Variants in TATDN1 observed in about 807,000 individuals in gnomAD.
The protein encoded by TATDN1 is TatD DNase domain containing 1, also known as deoxyribonuclease TATDN1.
TATDN1 carries 40 observed loss-of-function variants against 46.4 expected under a neutral mutation model. That is an observed-to-expected ratio of 0.86 (90% confidence interval 0.67 to 1.12). TATDN1 has a LOEUF of 1.12. Among genes scored for constraint, TATDN1 ranks in the 50% most tolerant of loss-of-function variants. TATDN1 has a pLI of 0.00. For synonymous variants in TATDN1, 95 were observed against 105.6 expected (o/e 0.90, Z 0.62); for missense variants, 326 against 348.4 (o/e 0.94, Z 0.51).
In TATDN1 at chr8:124,522,167, T is replaced by A. The variant is rs1405538868; in HGVS notation, c.122A>T (p.Glu41Val). 7 of 1,597,028 alleles carry A rather than the reference T, an allele frequency of 4.4e-6. No individual in the cohort carries two copies. The highest frequency in any genetic ancestry group is 1.7e-5 in the Admixed American group (1 of 57,722). The change falls in exon 3 of 12, where the codon GAG (glutamate) becomes GTG (valine). Residue 41 changes from glutamate (E) to valine (V), a missense_variant. Transcript: ENST00000276692. ...DLQDVIGRAV[E>V]IGVKKFMITG... ...GGATGTTACCTTTTTAACACCAATC[T>A]CGACAGCTCTCCCTATTACATCCTG...
chr8:124,529,420 G>A (rs1820770429), intron 1 of TATDN1, among the ~76,000 whole-genome samples: 1 of 152,102 alleles, frequency 6.6e-6, no homozygotes, highest in African/African-American at 2.4e-5. Flanking sequence ...GGAGAGAAAG[G>A]GGGTCCTTCT....
intron 1 of TATDN1, among the ~76,000 whole-genome samples, chr8:124,532,080 AG>A (rs1243645718): frequency 6.7e-6 from 1 of 149,874 alleles, no homozygotes; most frequent in East Asian, 2.1e-4. Flanking sequence ...AGGAAGAGCA[AG>A]GGGGGGAGGA....
chr8:124,529,969 G>A (rs944995267), intron 1 of TATDN1, among the ~76,000 whole-genome samples: 1 of 152,148 alleles, frequency 6.6e-6, no homozygotes, highest in Non-Finnish European at 1.5e-5. Flanking sequence ...GCAGGTGCCT[G>A]TAATCCCAGC....
At chr8:124,519,003 C>A in intron 3 of TATDN1, 122 bp from the exon 4 acceptor site, 1 of 662,324 alleles carries the variant, frequency 1.5e-6, no homozygotes, top group South Asian at 1.8e-5. Context: ...TGCCACACAC[C>A]TACCCTTTAA....
At chr8:124,506,334 C>CAAAAAAAAAAAAAAAAAAAA (rs56023168) in intron 8 of TATDN1, among the ~76,000 whole-genome samples, 15 of 52,466 alleles carry the variant, frequency 2.9e-4, no homozygotes, top group East Asian at 5.8e-4. Flanking sequence ...GGCTCTGTCT[C>CAAAAAAAAAAAAAAAAAAAA]AAAAAAAAAA....
In TATDN1 at chr8:124,494,051, C is replaced by A. The variant is rs944351206; in HGVS notation, c.665-92G>T. On this transcript the variant is annotated intron_variant, in intron 10 of 11. Coordinates refer to ENST00000276692, the MANE Select transcript of TATDN1 (RefSeq NM_032026.4). ...TAATATATAACCTCTAAATGATAAA[C>A]CGTGATTCAGCTTCCAAAATGGCAC... The A allele has an allele frequency of 1.0e-5, 13 of 1,253,428 alleles. No individual in the cohort carries two copies. In the African/African-American group the frequency reaches 1.7e-4, roughly 16 times the overall value. 77.6% of individuals were successfully genotyped at this position (1,253,428 alleles called of 1,614,324 possible).
chr8:124,521,493 AAT>A (rs1820041835), intron 3 of TATDN1: 1 of 152,180 alleles, frequency 6.6e-6, no homozygotes, highest in Non-Finnish European at 1.5e-5. Context: ...AATAATAACA[AAT>A]AAAAGTTTAG....
Position 124,494,085 on chromosome 8 carries a change from C to A in TATDN1, c.665-126G>T, listed in dbSNP as rs113781044. On this transcript the variant is annotated intron_variant, in intron 10 of 11. Transcript: ENST00000276692. ...AGCTTCCAAAATGGCACAGTTATTT[C>A]AACAGAAAACAGTTCTAAGAAAAGC... The A allele has an allele frequency of 1.9e-3, 1,634 of 865,154 alleles. 16 individuals carry two copies. The African/African-American group carries it at 0.023, about 12-fold the overall frequency. The allele number at this position is 865,154 out of a possible 1,614,324, so 53.6% of individuals were successfully genotyped here.
intron 1 of TATDN1, among the ~76,000 whole-genome samples, chr8:124,528,368 T>C (rs1193604398): frequency 6.6e-6 from 1 of 152,064 alleles, no homozygotes; most frequent in Non-Finnish European, 1.5e-5. Context: ...AGAGACGGGG[T>C]TTCACCATGT....
At chr8:124,531,874 T>C (rs1447576828) in intron 1 of TATDN1, among the ~76,000 whole-genome samples, 1 of 152,188 alleles carries the variant, frequency 6.6e-6, no homozygotes, top group East Asian at 1.9e-4. Context: ...TCTAATGGGT[T>C]AGATTATGTA....
At chr8:124,534,104 C>A (rs1311585927) in intron 1 of TATDN1, among the ~76,000 whole-genome samples, 2 of 128,876 alleles carry the variant, frequency 1.6e-5, no homozygotes, top group East Asian at 4.9e-4. Context: ...CCAGACTGCA[C>A]CACTACACTC....
intron 1 of TATDN1, among the ~76,000 whole-genome samples, chr8:124,533,612 G>A (rs1321942201): frequency 6.6e-6 from 1 of 152,082 alleles, no homozygotes; most frequent in African/African-American, 2.4e-5. Context: ...TCCAATCTTT[G>A]TTTTTCCAGG....
intron 1 of TATDN1, among the ~76,000 whole-genome samples, chr8:124,529,500 G>A (rs1820777538): frequency 6.6e-6 from 1 of 152,178 alleles, no homozygotes; most frequent in South Asian, 2.1e-4. Context: ...ACTGTAGGCT[G>A]CCGAGGCAAC....
chr8:124,502,771 A>G (rs1412012441), intron 9 of TATDN1, among the ~76,000 whole-genome samples: 7 of 152,140 alleles, frequency 4.6e-5, no homozygotes, highest in Non-Finnish European at 8.8e-5. Context: ...AACCTCCCTC[A>G]TATTTTTATT....
At chr8:124,517,425 CAAA>C (rs540696612) in intron 4 of TATDN1, among the ~76,000 whole-genome samples, 4 of 67,174 alleles carry the variant, frequency 6.0e-5, no homozygotes, top group East Asian at 5.6e-4. Context: ...AAGACTGTCT[CAAA>C]AAAAAAAAAA....
At chr8:124,504,618 T>C in intron 8 of TATDN1, 1 of 269,574 alleles carries the variant, frequency 3.7e-6, no homozygotes, top group Non-Finnish European at 6.8e-6. Context: ...CTAGCATTAG[T>C]GCAGAAGCTC....
At chr8:124,507,785 A>G (rs557134525) in intron 8 of TATDN1, among the ~76,000 whole-genome samples, 2 of 117,652 alleles carry the variant, frequency 1.7e-5, no homozygotes, top group Admixed American at 1.6e-4. Flanking sequence ...CTTAATAACC[A>G]AAAAAAAAAA....
chr8:124,525,511 A>G (rs1412545818), intron 1 of TATDN1, among the ~76,000 whole-genome samples: 2 of 152,196 alleles, frequency 1.3e-5, no homozygotes, highest in Admixed American at 6.5e-5. Context: ...CCCGCAACAA[A>G]TAAGTGAGTC....
At chr8:124,499,337 A>C (rs1306482972) in intron 9 of TATDN1, among the ~76,000 whole-genome samples, 1 of 152,050 alleles carries the variant, frequency 6.6e-6, no homozygotes, top group African/African-American at 2.4e-5. Context: ...CTTTTCACTA[A>C]ATTTTCAGAT....
Sources: gnomAD v4.1 joint callset for allele counts (sites outside exome capture counted in the v4.1 genomes callset) on GRCh38, gnomAD v4.1.1 for gene constraint, MANE v1.5 for transcripts, NCBI Gene and HGNC (gene_info 2026-07-23, HGNC 2026-07-21) for gene names.